Variants in DVL1 observed in about 807,000 individuals in gnomAD.
The protein encoded by DVL1 is segment polarity protein dishevelled homolog DVL-1.
DVL1 carries 49 observed loss-of-function variants against 65.0 expected under a neutral mutation model. The observed-to-expected ratio is 0.75, with a 90% CI of 0.60 to 0.96. DVL1 has a LOEUF of 0.96. DVL1 is among the 40% of genes least tolerant of loss of function. The probability of loss-of-function intolerance (pLI) is 0.00; values close to 1 mark genes in which losing one functional copy is unlikely to be tolerated. For missense variants in DVL1, 1,197 were observed against 1,045.4 expected (o/e 1.15, Z -2.00); for synonymous variants, 608 against 433.9 (o/e 1.40, Z -4.99).
rs935943551 is a variant in DVL1, at chr1:1,336,088, G to C, written c.*54C>G. The C allele has an allele frequency of 3.2e-6, 5 of 1,544,796 alleles. No homozygotes were observed. The Admixed American group carries it at 9.5e-5, about 29-fold the overall frequency. On this transcript the variant is annotated 3_prime_UTR_variant, in exon 15 of 15. Transcript: ENST00000378888. The stretch of plus-strand genomic sequence containing the variant: ...AGGCAAGCCCACGCGAGCTCTGCAT[G>C]CGGCAGGACCGCCAGCTCCCCACCT...
chr1:1,341,558 ACG>A (rs1569718655), intron 5 of DVL1, 107 bp downstream of exon 5: 3 of 1,366,450 alleles, frequency 2.2e-6, no homozygotes, highest in South Asian at 2.9e-5. Flanking sequence ...ATGCACACAC[ACG>A]CACACACGTG....
At chr1:1,342,862 C>G in intron 1 of DVL1, 104 bp from the exon 2 acceptor site, 4 of 1,064,486 alleles carry the variant, frequency 3.8e-6, no homozygotes, top group East Asian at 2.4e-5. Context: ...CACAATGTCA[C>G]TCTGTGGACA....
intron 1 of DVL1, among the ~76,000 whole-genome samples, chr1:1,345,139 T>C (rs307358): frequency 0.97 from 147,694 of 152,196 alleles, 71,707 homozygotes; most frequent in African/African-American, 0.99. Flanking sequence ...CAAGCCCGCA[T>C]GGCCCACCCA....
chr1:1,338,880 G>A (rs2100722047), intron 11 of DVL1, among the ~76,000 whole-genome samples: 1 of 152,310 alleles, frequency 6.6e-6, no homozygotes, highest in East Asian at 1.9e-4. Context: ...TTTTCATCAG[G>A]ATCCTAGGCA....
chr1:1,338,595 C>A lies in DVL1; in HGVS notation c.1266G>T (p.Met422Ile). ...KSDMSAVVRV[M>I]QLPDSGLEIR... is the part of the protein sequence containing the mutation. ...TCTCCAGTCCCGAGTCTGGCAGCTGCATGACCCGGACGACGGCGCTCATGT... is the reference window on the plus strand; with the variant it reads ...TCTCCAGTCCCGAGTCTGGCAGCTGAATGACCCGGACGACGGCGCTCATGT... Residue 422 changes from methionine to isoleucine, a missense_variant, in exon 12 of 15, where the codon ATG (methionine) becomes ATT (isoleucine). Coordinates refer to ENST00000378888, the MANE Select transcript of DVL1 (RefSeq NM_001330311.2). 1 of 1,612,372 alleles carries A rather than the reference C, an allele frequency of 6.2e-7. No individual in the cohort carries two copies. Among genetic ancestry groups the A allele is most frequent in the Non-Finnish European group, 8.5e-7 (1 of 1,179,866 alleles).
At position 1,338,537 on chromosome 1, in the gene DVL1, C is replaced by T. The variant is rs766432002; in HGVS notation, c.1324G>A (p.Ala442Thr). 5.0e-6 allele frequency: 8 copies of T among 1,612,574 alleles called. No individual in the cohort carries two copies. The highest frequency in any genetic ancestry group is 4.5e-5 in the East Asian group (2 of 44,882). ...GGCCACTCACCGATGACGGCATTGG[C>T]GATGGTGATCTTGAGCCACATGCGG... ...RDRMWLKITI[A>T]NAVIGADVVD... The change falls in exon 12 of 15, where the codon GCC (alanine) becomes ACC (threonine). Residue 442 changes from alanine to threonine, a missense_variant. By Grantham distance (58) the Ala-to-Thr change is moderately conservative. Coordinates refer to ENST00000378888, the MANE Select transcript of DVL1 (RefSeq NM_001330311.2).
In DVL1 at chr1:1,338,328, G is replaced by A. The variant is rs1329117789; in HGVS notation, c.1448C>T (p.Thr483Met). 9 of 1,609,888 alleles carry A rather than the reference G, an allele frequency of 5.6e-6. No homozygotes were observed. Among genetic ancestry groups the A allele is most frequent in the Non-Finnish European group, 7.6e-6 (9 of 1,179,480 alleles). Residue 483 changes from threonine to methionine, a missense_variant, in exon 13 of 15, where the codon ACG becomes ATG. Physicochemically the swap from Thr to Met is moderately conservative, Grantham distance 81. Transcript: ENST00000378888. ...SLLKHGFLRH[T>M]VNKITFSEQC... The stretch of plus-strand genomic sequence containing the variant: ...CTCGGAGAAGGTGATCTTGTTGACC[G>A]TGTGCCGCAGGAAGCCGTGCTTCAG...
intron 11 of DVL1, among the ~76,000 whole-genome samples, 179 bp from the exon 12 acceptor site, chr1:1,338,832 G>A (rs899409624): frequency 2.0e-5 from 3 of 152,204 alleles, no homozygotes; most frequent in African/African-American, 7.2e-5. Flanking sequence ...GGCGTGAGCA[G>A]GGGGGTTGGA....
At chr1:1,338,229 T>TGGCGCC in intron 13 of DVL1, 40 bp downstream of exon 13, 2 of 1,522,372 alleles carry the variant, frequency 1.3e-6, no homozygotes, top group Non-Finnish European at 1.8e-6. Flanking sequence ...CCTCCGGCGT[T>TGGCGCC]CCCCTCCCCC....
At chr1:1,341,205 G>A (rs559619834) in intron 5 of DVL1, among the ~76,000 whole-genome samples, 1 of 150,050 alleles carries the variant, frequency 6.7e-6, no homozygotes, top group Non-Finnish European at 1.5e-5. Flanking sequence ...ACGCACACCT[G>A]CACACACGCA....
Position 1,338,536 on chromosome 1 carries a change from G to T in DVL1, c.1325C>A (p.Ala442Asp). 6.2e-7 allele frequency: 1 copy of T among 1,612,594 alleles called. No homozygotes were observed. Among genetic ancestry groups the T allele is most frequent in the Non-Finnish European group, 8.5e-7 (1 of 1,179,848 alleles). The change falls in exon 12 of 15, where the codon GCC becomes GAC. Residue 442 changes from alanine to aspartate, a missense_variant. By Grantham distance (126) the Ala-to-Asp change is moderately radical (BLOSUM62 -2). Coordinates refer to ENST00000378888, the MANE Select transcript of DVL1 (RefSeq NM_001330311.2). ...CGGCCACTCACCGATGACGGCATTG[G>T]CGATGGTGATCTTGAGCCACATGCG... ...RDRMWLKITI[A>D]NAVIGADVVD...
At chr1:1,341,924 C>T (rs1195120257) in intron 4 of DVL1, 119 bp from the exon 5 acceptor site, 33 of 1,464,966 alleles carry the variant, frequency 2.3e-5, no homozygotes, top group Non-Finnish European at 2.7e-5. Context: ...ACTGTAGGCT[C>T]GCTGGGCCTG....
intron 1 of DVL1, among the ~76,000 whole-genome samples, chr1:1,343,257 GCCCC>G (rs55773120): frequency 7.0e-6 from 1 of 142,244 alleles, no homozygotes; most frequent in Admixed American, 6.9e-5. Flanking sequence ...GGGGCTTGGA[GCCCC>G]CCCCCCCCAG....
Position 1,342,864 on chromosome 1 carries a change from CTG to C in DVL1, c.171-108_171-107del, listed in dbSNP as rs374768310. 1,335 of 1,035,794 alleles carry C rather than the reference CTG, an allele frequency of 1.3e-3. 21 individuals carry two copies. In the African/African-American group the frequency reaches 0.018, roughly 14 times the overall value. The allele number at this position is 1,035,794 out of a possible 1,614,324, so 64.2% of individuals were successfully genotyped here. ...CTCCTCCTGCCCACACAATGTCACT[CTG>C]TGGACACCCCTGCTAGCGCATTCTC... On this transcript the variant is annotated intron_variant, in intron 1 of 14. Transcript: ENST00000378888.
intron 13 of DVL1, 40 bp downstream of exon 13, chr1:1,338,229 T>TGCCCCCCCCCCCCCCCCCCACCCCCCCC: frequency 6.6e-7 from 1 of 1,522,372 alleles, no homozygotes; most frequent in Non-Finnish European, 9.0e-7. Flanking sequence ...CCTCCGGCGT[T>TGCCCCCCCCCCCCCCCCCCACCCCCCCC]CCCCTCCCCC....
At position 1,338,360 on chromosome 1, in the gene DVL1, G is replaced by A. The variant is rs530958370; in HGVS notation, c.1416C>T (p.Ser472=). 99 of 1,612,640 alleles carry A rather than the reference G, an allele frequency of 6.1e-5. 1 individual carries two copies. Among genetic ancestry groups the A allele is most frequent in the Middle Eastern group, 4.9e-4 (3 of 6,062 alleles). ...KERREARKYA[S]SLLKHGFLRH... Reference sequence around the variant, plus strand: ...GCAGGAAGCCGTGCTTCAGCAAGCTGCTGGCGTACTTCCGGGCCTCCCGCC... The same window carrying A: ...GCAGGAAGCCGTGCTTCAGCAAGCTACTGGCGTACTTCCGGGCCTCCCGCC... The change falls in exon 13 of 15, where the codon AGC becomes AGT. Residue 472 remains serine, a synonymous_variant. Coordinates refer to ENST00000378888, the MANE Select transcript of DVL1 (RefSeq NM_001330311.2).
chr1:1,336,949 G>A (rs1643597925), intron 14 of DVL1: 27 of 957,108 alleles, frequency 2.8e-5, no homozygotes, highest in Non-Finnish European at 3.2e-5. Flanking sequence ...CTCCCAAGAC[G>A]CAGTGGGAGC....
chr1:1,338,177 G>A lies in DVL1; in HGVS notation c.1514C>T (p.Ala505Val). Residue 505 changes from alanine (A) to valine (V), a missense_variant, in exon 14 of 15, where the codon GCC (alanine) becomes GTC (valine). Physicochemically the swap from Ala to Val is moderately conservative, Grantham distance 64 (BLOSUM62 0). Coordinates refer to ENST00000378888, the MANE Select transcript of DVL1 (RefSeq NM_001330311.2). ...YVFGDLCSNL[A>V]TLNLNSGSSG... The stretch of plus-strand genomic sequence containing the variant: ...GGAGCCACTGTTGAGGTTCAGGGTG[G>A]CGAGATCTGGCGGGGGAGGGTAGGT... The A allele has an allele frequency of 3.1e-6, 5 of 1,603,578 alleles. No homozygotes were observed. The highest frequency in any genetic ancestry group is 1.7e-4 in the Middle Eastern group (1 of 5,996).
chr1:1,345,573 C>T (rs1643903550), intron 1 of DVL1, among the ~76,000 whole-genome samples: 1 of 152,146 alleles, frequency 6.6e-6, no homozygotes, highest in African/African-American at 2.4e-5. Context: ...TGTGCCCCCA[C>T]CTTGGGATTC....
Sources: allele counts gnomAD v4.1 joint callset (sites outside exome capture counted in the v4.1 genomes callset), GRCh38; gene constraint gnomAD v4.1.1; transcripts MANE v1.5; gene names NCBI Gene and HGNC (gene_info 2026-07-23, HGNC 2026-07-21).